The following TENM3 variants were observed in gnomAD, a reference collection of about 807,000 sequenced individuals.
TENM3 encodes teneurin-3.
Under a neutral mutation model 255.1 loss-of-function variants are expected in TENM3, and 63 were observed. That is an observed-to-expected ratio of 0.25 (90% confidence interval 0.20 to 0.30). The LOEUF (loss-of-function observed/expected upper bound fraction) is 0.30. TENM3 is among the 10% of genes least tolerant of loss of function. The probability of loss-of-function intolerance (pLI) is 1.00; values close to 1 mark genes in which losing one functional copy is unlikely to be tolerated. For missense variants in TENM3, 2,929 were observed against 3,461.1 expected (o/e 0.85, Z 3.86); for synonymous variants, 1,306 against 1,322.3 (o/e 0.99, Z 0.27).
chr4:182,066,752 T>C, the TENM3 span, among the ~76,000 whole-genome samples: 9 of 151,532 alleles, frequency 5.9e-5, no homozygotes, highest in South Asian at 4.2e-4. Flanking sequence ...CCACTAAAAA[T>C]ACAAAAAAAT....
At chr4:182,385,370 T>G (rs913324526) in intron 3 of TENM3, among the ~76,000 whole-genome samples, 20 of 147,498 alleles carry the variant, frequency 1.4e-4, no homozygotes, top group Admixed American at 7.0e-5. Flanking sequence ...ATTCAAGCGA[T>G]TCTCCTGTCT....
intron 3 of TENM3, among the ~76,000 whole-genome samples, chr4:182,599,885 CATTAA>C (rs1275109007): frequency 6.6e-6 from 1 of 152,144 alleles, no homozygotes; most frequent in East Asian, 1.9e-4. Context: ...ATCAGTTTAG[CATTAA>C]ATTAAAGAGT....
the TENM3 span, among the ~76,000 whole-genome samples, chr4:181,513,878 A>G: frequency 7.9e-5 from 12 of 152,210 alleles, no homozygotes; most frequent in Non-Finnish European, 1.3e-4. Context: ...AGCTCTTGGT[A>G]AGGGGTGGTT....
intron 3 of TENM3, among the ~76,000 whole-genome samples, chr4:182,470,338 C>T (rs1015419295): frequency 6.6e-6 from 1 of 152,138 alleles, no homozygotes; most frequent in Non-Finnish European, 1.5e-5. Flanking sequence ...ATCTTAGTTT[C>T]CCAGGGTAAT....
chr4:182,175,559 C>T (rs1490033543), intron 1 of TENM3, among the ~76,000 whole-genome samples: 1 of 152,076 alleles, frequency 6.6e-6, no homozygotes, highest in Non-Finnish European at 1.5e-5. Flanking sequence ...GGCGACCCTC[C>T]TGCTTTTTCC....
chr4:182,425,912 G>A (rs2151163507), intron 3 of TENM3, among the ~76,000 whole-genome samples: 1 of 150,610 alleles, frequency 6.6e-6, no homozygotes, highest in Non-Finnish European at 1.5e-5. Flanking sequence ...GGGGACTGAG[G>A]CAGGAGAATC....
chr4:181,535,525 A>G, the TENM3 span, among the ~76,000 whole-genome samples: 1 of 152,200 alleles, frequency 6.6e-6, no homozygotes, highest in East Asian at 1.9e-4. Flanking sequence ...ATAATGGAAG[A>G]TAGGTCACAT....
chr4:182,165,999 C>T (rs1279649053), intron 1 of TENM3, among the ~76,000 whole-genome samples: 6 of 152,052 alleles, frequency 3.9e-5, no homozygotes, highest in South Asian at 2.1e-4. Flanking sequence ...AGGATGGTCT[C>T]GATCTCCTGA....
the TENM3 span, among the ~76,000 whole-genome samples, chr4:181,679,803 GTCTT>G: frequency 6.6e-6 from 1 of 152,072 alleles, no homozygotes; most frequent in African/African-American, 2.4e-5. Context: ...ATAAAACTAA[GTCTT>G]TCTGTTGGAA....
chr4:182,481,078 C>T (rs776143879), intron 3 of TENM3, among the ~76,000 whole-genome samples: 1 of 151,318 alleles, frequency 6.6e-6, no homozygotes, highest in African/African-American at 2.4e-5. Context: ...TGAGAAATTG[C>T]ATTTTGCCAA....
chr4:181,820,651 C>A, the TENM3 span, among the ~76,000 whole-genome samples: 4 of 152,258 alleles, frequency 2.6e-5, no homozygotes, highest in South Asian at 4.1e-4. Flanking sequence ...AGCGAAAGCA[C>A]CACCGCTGTA....
At chr4:181,689,228 T>A in the TENM3 span, among the ~76,000 whole-genome samples, 6 of 152,234 alleles carry the variant, frequency 3.9e-5, no homozygotes, top group East Asian at 9.6e-4. Context: ...CGGGATTATA[T>A]GCCAGCATTT....
At chr4:181,737,214 C>A in the TENM3 span, among the ~76,000 whole-genome samples, 1 of 152,122 alleles carries the variant, frequency 6.6e-6, no homozygotes, top group African/African-American at 2.4e-5. Context: ...CCCGAACTTC[C>A]ACTTTAGCGA....
chr4:181,659,198 A>C, the TENM3 span, among the ~76,000 whole-genome samples: 1 of 152,212 alleles, frequency 6.6e-6, no homozygotes, highest in Admixed American at 6.5e-5. Flanking sequence ...ATCCTTTGTC[A>C]CAAACCGTTG....
At chr4:181,794,460 G>T in the TENM3 span, among the ~76,000 whole-genome samples, 1 of 152,220 alleles carries the variant, frequency 6.6e-6, no homozygotes, top group East Asian at 1.9e-4. Context: ...CCACATCCCA[G>T]CCCCTGGCAA....
At chr4:182,695,972 ATG>A (rs1757369768) in intron 12 of TENM3, among the ~76,000 whole-genome samples, 1 of 152,214 alleles carries the variant, frequency 6.6e-6, no homozygotes, top group Non-Finnish European at 1.5e-5. Context: ...GTGAAATCAC[ATG>A]TGTTACTCAT....
At chr4:181,888,019 T>C in the TENM3 span, among the ~76,000 whole-genome samples, 1 of 152,098 alleles carries the variant, frequency 6.6e-6, no homozygotes, top group Non-Finnish European at 1.5e-5. Context: ...TCTATTCTAT[T>C]CTAGCCTATT....
At chr4:182,405,162 C>A (rs1580431361) in intron 3 of TENM3, among the ~76,000 whole-genome samples, 1 of 152,194 alleles carries the variant, frequency 6.6e-6, no homozygotes, top group Non-Finnish European at 1.5e-5. Flanking sequence ...TCATGGACTT[C>A]CATTTCCCTA....
At chr4:181,812,355 T>C in the TENM3 span, among the ~76,000 whole-genome samples, 1 of 152,222 alleles carries the variant, frequency 6.6e-6, no homozygotes, top group Non-Finnish European at 1.5e-5. Flanking sequence ...GAATGAAATA[T>C]TAGTTTTTCA....
Sources: allele counts gnomAD v4.1 joint callset (sites outside exome capture counted in the v4.1 genomes callset), GRCh38; gene constraint gnomAD v4.1.1; transcripts MANE v1.5; gene names NCBI Gene and HGNC (gene_info 2026-07-23, HGNC 2026-07-21).